Variants in MCM3AP observed in about 807,000 individuals in gnomAD.
The protein encoded by MCM3AP is germinal-center associated nuclear protein.
In MCM3AP, 126 loss-of-function variants were observed where a neutral mutation model predicts 184.1. The observed-to-expected ratio is 0.68, with a 90% CI of 0.59 to 0.79. The LOEUF is 0.79. Among genes scored for constraint, MCM3AP ranks in the 30% least tolerant of loss-of-function variants. The probability of loss-of-function intolerance (pLI) is 0.00; values close to 1 mark genes in which losing one functional copy is unlikely to be tolerated. For missense variants in MCM3AP, 2,496 were observed against 2,479.2 expected, an observed-to-expected ratio of 1.01 and a Z score of -0.14; for synonymous variants, 1,002 against 979.3, an observed-to-expected ratio of 1.02 and a Z score of -0.43.
chr21:46,284,676 G>A lies in MCM3AP; in HGVS notation c.611C>T (p.Thr204Ile), dbSNP rs2081381362. Residue 204 changes from threonine (T) to isoleucine (I), a missense_variant, in exon 1 of 28, where the codon ACT (threonine) becomes ATT (isoleucine). By Grantham distance (89) the Thr-to-Ile change is moderately conservative. Coordinates refer to ENST00000291688, the MANE Select transcript of MCM3AP (RefSeq NM_003906.5). ...AGGTTTTGAAAAGGTAAAATTTGAA[G>A]TGGTAGCTGAACTACTTGTTACTTG... ...FPQVTSSSATTSNFTFSKPVS... is the reference protein window; with the variant it reads ...FPQVTSSSATISNFTFSKPVS... 6.2e-7 allele frequency: 1 copy of A among 1,614,056 alleles called. No individual in the cohort carries two copies. Among genetic ancestry groups the A allele is most frequent in the South Asian group, 1.1e-5 (1 of 91,088 alleles).
chr21:46,284,652 G>C lies in MCM3AP; in HGVS notation c.635C>G (p.Pro212Arg), dbSNP rs1453798964. ...ATTSNFTFSK[P>R]VSSNNSLSAF... is the part of the protein sequence containing the mutation. ...AGATAATGAATTATTACTACTAACA[G>C]GTTTTGAAAAGGTAAAATTTGAAGT... Residue 212 changes from proline (P) to arginine (R), a missense_variant, in exon 1 of 28, where the codon CCT (proline) becomes CGT (arginine). By Grantham distance (103) the Pro-to-Arg change is moderately radical (BLOSUM62 -2). Around this residue, in one of 5 missense-constraint regions of MCM3AP, gnomAD observed 800 missense variants for 717.1 expected, o/e 1.12. Transcript: ENST00000291688. 1 of 1,614,122 alleles carries C rather than the reference G, an allele frequency of 6.2e-7. No homozygotes were observed. Among genetic ancestry groups the C allele is most frequent in the Non-Finnish European group, 8.5e-7 (1 of 1,180,024 alleles).
At chr21:46,278,829 A>G (rs988829817) in intron 4 of MCM3AP, among the ~76,000 whole-genome samples, 3 of 151,950 alleles carry the variant, frequency 2.0e-5, no homozygotes, top group East Asian at 2.0e-4. Context: ...ACCTGCCACC[A>G]TGCCCGGCTA....
intron 5 of MCM3AP, among the ~76,000 whole-genome samples, chr21:46,276,754 T>C (rs1338986091): frequency 6.7e-6 from 1 of 149,680 alleles, no homozygotes; most frequent in East Asian, 2.0e-4. Flanking sequence ...TTTTTTTTTT[T>C]TGAGACAGAA....
chr21:46,246,422 A>G lies in MCM3AP; in HGVS notation c.4550-18T>C, dbSNP rs746895296. 1 of 1,512,870 alleles carries G rather than the reference A, an allele frequency of 6.6e-7. No homozygotes were observed. Among genetic ancestry groups the G allele is most frequent in the Admixed American group, 1.7e-5 (1 of 59,912 alleles). The allele number at this position is 1,512,870 out of a possible 1,614,324, so 93.7% of individuals were successfully genotyped here. A position where few individuals can be genotyped will look rare whatever the true frequency, so the allele number is the denominator to read the frequency against. ...CATCAGACCTTTAAGACAGACATAG[A>G]TGAAGGTCACTTGCATTCTGCTGTC... On this transcript the variant is annotated intron_variant, in intron 21 of 27. Coordinates refer to ENST00000291688, the MANE Select transcript of MCM3AP (RefSeq NM_003906.5).
In MCM3AP at chr21:46,285,360, A is replaced by G. The variant is rs2081400263; in HGVS notation, c.-74T>C. 5 of 928,882 alleles carry G rather than the reference A, an allele frequency of 5.4e-6. No homozygotes were observed. Among genetic ancestry groups the G allele is most frequent in the East Asian group, 4.8e-5 (2 of 41,728 alleles). The allele number at this position is 928,882 out of a possible 1,614,324, so 57.5% of individuals were successfully genotyped here. A position where few individuals can be genotyped will look rare whatever the true frequency, so the allele number is the denominator to read the frequency against. On this transcript the variant is annotated 5_prime_UTR_variant, in exon 1 of 28. Transcript: ENST00000291688. ...TAATTGGCTTCCTGAAACAGCCTGT[A>G]GCACTAGGGAGTTCCCCTTCGTCTT...
At chr21:46,282,188 AC>A (rs1157778234) in intron 2 of MCM3AP, among the ~76,000 whole-genome samples, 1 of 152,180 alleles carries the variant, frequency 6.6e-6, no homozygotes, top group Non-Finnish European at 1.5e-5. Flanking sequence ...AAAACTAAAA[AC>A]AAATTAGGAT....
chr21:46,262,794 T>C lies in MCM3AP; in HGVS notation c.3335+1323A>G, dbSNP rs560306056. 3.2e-3 allele frequency among the ~76,000 whole-genome samples: 469 copies of C among 146,482 alleles called. 1 individual carries two copies. The highest frequency in any genetic ancestry group is 0.01 in the African/African-American group (412 of 39,582). ...CATCCTGGCTAACACAGTGAAACCC[T>C]GTCTCTACTAAAAATACAAAAAATT... On this transcript the variant is annotated intron_variant, in intron 13 of 27. Coordinates refer to ENST00000291688, the MANE Select transcript of MCM3AP (RefSeq NM_003906.5).
Position 46,285,452 on chromosome 21 carries a change from A to T in MCM3AP, c.-166T>A. On this transcript the variant is annotated 5_prime_UTR_variant, in exon 1 of 28. Coordinates refer to ENST00000291688, the MANE Select transcript of MCM3AP (RefSeq NM_003906.5). Reference sequence around the variant, plus strand: ...TGTTCTGCTACAAGTCTAAGAAAAGAATTTTTGAACACTGTCATACTAAAA... The same window carrying T: ...TGTTCTGCTACAAGTCTAAGAAAAGTATTTTTGAACACTGTCATACTAAAA... The T allele has an allele frequency of 1.7e-6, 1 of 602,096 alleles. No homozygotes were observed. 37.3% of individuals were successfully genotyped at this position (602,096 alleles called of 1,614,324 possible).
intron 3 of MCM3AP, 60 bp from the exon 4 acceptor site, chr21:46,280,197 T>G: frequency 2.6e-6 from 4 of 1,534,120 alleles, no homozygotes; most frequent in Non-Finnish European, 2.7e-6. Flanking sequence ...GAACTGGATT[T>G]TTTCACTCTG....
At chr21:46,241,996 ATTG>A (rs2080675073) in intron 25 of MCM3AP, 1 of 152,074 alleles carries the variant, frequency 6.6e-6, no homozygotes, top group Admixed American at 6.5e-5. Context: ...GTTCAGGTTT[ATTG>A]TTGTGAATGA....
chr21:46,244,983 G>T lies in MCM3AP; in HGVS notation c.4862C>A (p.Ser1621Tyr). The T allele has an allele frequency of 6.2e-7, 1 of 1,614,252 alleles. No individual in the cohort carries two copies. The highest frequency in any genetic ancestry group is 8.5e-7 in the Non-Finnish European group (1 of 1,180,044). Residue 1621 changes from serine (S) to tyrosine (Y), a missense_variant, in exon 23 of 28, where the codon TCT becomes TAT. Around this residue, in one of 5 missense-constraint regions of MCM3AP, gnomAD observed 1,323 missense variants for 1,273.4 expected, o/e 1.04. Coordinates refer to ENST00000291688, the MANE Select transcript of MCM3AP (RefSeq NM_003906.5). ...ACACAGCTGTTCAGAGGACACCACA[G>T]AAGCCAGGAACTGCAGCACACTGTT... is the stretch of plus-strand genomic sequence containing the variant. ...LFNSVLQFLA[S>Y]VVSSEQLCDL...
intron 26 of MCM3AP, among the ~76,000 whole-genome samples, chr21:46,237,438 T>TTTTAGTAATCGGA (rs1601474274): frequency 1.5e-5 from 2 of 134,262 alleles, no homozygotes; most frequent in African/African-American, 2.9e-5. Context: ...AAGGTCTCGC[T>TTTTAGTAATCGGA]CTGTTGGCCA....
Position 46,251,535 on chromosome 21 carries a change from A to G in MCM3AP, c.4284T>C (p.Cys1428=), listed in dbSNP as rs1160336264. ...CAAAGTAATTATAGTTCACCTTTAT[A>G]CACACGTTAACAGAAATCATCTGAT... The part of the protein sequence containing the change: ...KGDQMISVNV[C]IKVAHGALSD... Residue 1428 remains cysteine, a synonymous_variant, in exon 20 of 28, where the codon TGT becomes TGC. Coordinates refer to ENST00000291688, the MANE Select transcript of MCM3AP (RefSeq NM_003906.5). The G allele has an allele frequency of 1.9e-6, 3 of 1,605,818 alleles. No individual in the cohort carries two copies. The highest frequency in any genetic ancestry group is 8.5e-7 in the Non-Finnish European group (1 of 1,173,704).
chr21:46,239,917 G>A (rs972990700), intron 26 of MCM3AP, among the ~76,000 whole-genome samples: 3 of 152,092 alleles, frequency 2.0e-5, no homozygotes, highest in Admixed American at 6.5e-5. Context: ...TGGGATTCAC[G>A]GTCATGTTCA....
Position 46,283,665 on chromosome 21 carries a change from T to C in MCM3AP, c.1393A>G (p.Ile465Val), listed in dbSNP as rs764375220. The C allele has an allele frequency of 1.2e-6, 2 of 1,614,160 alleles. No homozygotes were observed. Among genetic ancestry groups the C allele is most frequent in the Non-Finnish European group, 1.7e-6 (2 of 1,180,004 alleles). Reference sequence around the variant, plus strand: ...AGCTTTTTGCTGCGCCTGGTAAAGATGCGCTGCACTTTAGCAATTTTGCCA... The same window carrying C: ...AGCTTTTTGCTGCGCCTGGTAAAGACGCGCTGCACTTTAGCAATTTTGCCA... ...HFGKIAKVQR[I>V]FTRRSKKLAV... The change falls in exon 2 of 28, where the codon ATC becomes GTC. Residue 465 changes from isoleucine to valine, a missense_variant. By Grantham distance (29) the Ile-to-Val change is conservative. Coordinates refer to ENST00000291688, the MANE Select transcript of MCM3AP (RefSeq NM_003906.5).
In MCM3AP at chr21:46,246,681, A is replaced by C. The variant is rs879467372; in HGVS notation, c.4496T>G (p.Val1499Gly). 1.9e-6 allele frequency: 3 copies of C among 1,614,196 alleles called. No individual in the cohort carries two copies. The highest frequency in any genetic ancestry group is 2.5e-6 in the Non-Finnish European group (3 of 1,180,020). The change falls in exon 21 of 28, where the codon GTG becomes GGG. Residue 1499 changes from valine to glycine, a missense_variant. This residue lies in a region of MCM3AP where 1,323 missense variants were observed against 1,273.4 expected (regional missense o/e 1.04). Coordinates refer to ENST00000291688, the MANE Select transcript of MCM3AP (RefSeq NM_003906.5). Reference protein sequence around the residue: ...AKPFQPALPLVVLVPSPGGDA... With the variant: ...AKPFQPALPLGVLVPSPGGDA... ...CCCTCCTGGGCTAGGCACAAGAACC[A>C]CCAGAGGAAGCGCAGGCTGGAAGGG...
At chr21:46,281,634 C>A (rs17182601) in intron 2 of MCM3AP, among the ~76,000 whole-genome samples, 1,977 of 151,728 alleles carry the variant, frequency 0.013, 14 homozygotes, top group Middle Eastern at 0.041. Flanking sequence ...CCAGCCTGGG[C>A]CACATAGTGA....
Position 46,284,993 on chromosome 21 carries a change from C to G in MCM3AP, c.294G>C (p.Gly98=). 6.2e-7 allele frequency: 1 copy of G among 1,614,092 alleles called. No homozygotes were observed. The highest frequency in any genetic ancestry group is 8.5e-7 in the Non-Finnish European group (1 of 1,179,998). The change falls in exon 1 of 28, where the codon GGG becomes GGC. Residue 98 remains glycine, a synonymous_variant. Coordinates refer to ENST00000291688, the MANE Select transcript of MCM3AP (RefSeq NM_003906.5). ...EHTSTFVATS[G]PSSSSVLGNT... ...TTCCCAGCACAGATGAACTTGAAGG[C>G]CCAGAGGTAGCCACAAAGGTGGAAG...
In MCM3AP at chr21:46,265,953, G is replaced by A; in HGVS notation, c.3003C>T (p.Ser1001=). Residue 1001 remains serine (S), a synonymous_variant, in exon 11 of 28, where the codon AGC becomes AGT. Transcript: ENST00000291688. The stretch of plus-strand genomic sequence containing the variant: ...CTGTGTCGGAGCCGGGTCTCTGGGT[G>A]CTGACGGGCAGCTCCGCGGCCAGGC... ...GESLAAELPV[S]TQRPGSDTVG... The A allele has an allele frequency of 1.3e-6, 2 of 1,595,612 alleles. No individual in the cohort carries two copies. The highest frequency in any genetic ancestry group is 1.7e-6 in the Non-Finnish European group (2 of 1,168,606).
Sources: allele counts gnomAD v4.1 joint callset (sites outside exome capture counted in the v4.1 genomes callset), GRCh38; gene constraint gnomAD v4.1.1; regional missense constraint gnomAD v4.1.1; transcripts MANE v1.5; gene names NCBI Gene and HGNC (gene_info 2026-07-23, HGNC 2026-07-21).